RALYL: variants seen among roughly 807,000 people sequenced by gnomAD.
RALYL encodes the protein RALY RNA binding protein like.
In RALYL, 29 loss-of-function variants were observed where a neutral mutation model predicts 35.1. The ratio of observed to expected loss-of-function variants is 0.83; its 90% CI spans 0.61 to 1.13. The LOEUF is 1.13. Among genes scored for constraint, RALYL ranks in the 50% most tolerant of loss-of-function variants. The pLI is 0.00. For missense variants in RALYL, 359 were observed against 360.4 expected (o/e 1.00, Z 0.03); for synonymous variants, 120 against 127.6 (o/e 0.94, Z 0.40).
intron 4 of RALYL, among the ~76,000 whole-genome samples, chr8:84,806,755 G>A (rs941252953): frequency 6.6e-6 from 1 of 152,092 alleles, no homozygotes; most frequent in African/African-American, 2.4e-5. Flanking sequence ...TTTTAAATAA[G>A]ATTGTCCAAA....
In RALYL at chr8:84,286,312, C is replaced by T. The variant is rs565757925; in HGVS notation, c.-24+101888C>T. Among the ~76,000 whole-genome samples the T allele has an allele frequency of 2.6e-4, 40 of 152,148 alleles. 2 individuals are homozygous for T. In the South Asian group the frequency reaches 5.8e-3, roughly 22 times the overall value. On this transcript the variant is annotated intron_variant, in intron 1 of 8. Coordinates refer to ENST00000521268, the MANE Select transcript of RALYL (RefSeq NM_173848.7). ...TCTGGTCATGTTTGGTTTGTGCAAG[C>T]GGAAATAAGAATATGGTGAGAGTTA... is the stretch of plus-strand genomic sequence containing the variant.
chr8:84,587,176 A>T (rs143625876), intron 2 of RALYL, among the ~76,000 whole-genome samples: 6 of 152,280 alleles, frequency 3.9e-5, no homozygotes, highest in African/African-American at 1.4e-4. Context: ...TGAGATACAA[A>T]CTTTTCAGCT....
chr8:84,674,982 A>AT (rs1166347414), intron 2 of RALYL, among the ~76,000 whole-genome samples: 6 of 152,062 alleles, frequency 3.9e-5, no homozygotes, highest in African/African-American at 1.4e-4. Flanking sequence ...CAGATGTAAA[A>AT]AAAAAAAAGG....
At chr8:84,206,086 A>G (rs1196755601) in intron 1 of RALYL, among the ~76,000 whole-genome samples, 1 of 152,162 alleles carries the variant, frequency 6.6e-6, no homozygotes, top group Non-Finnish European at 1.5e-5. Flanking sequence ...ACCTCTTTAA[A>G]GGCCCTTTCT....
chr8:84,233,211 C>G (rs1195077529), intron 1 of RALYL, among the ~76,000 whole-genome samples: 1 of 152,110 alleles, frequency 6.6e-6, no homozygotes, highest in African/African-American at 2.4e-5. Context: ...TGTCAAACTC[C>G]TAGCCTTGAG....
chr8:84,367,344 T>G (rs1379240278), intron 1 of RALYL, among the ~76,000 whole-genome samples: 21 of 108,554 alleles, frequency 1.9e-4, no homozygotes, highest in African/African-American at 5.0e-4. Flanking sequence ...TTTTTTTTTT[T>G]TTTTTTTTTT....
At chr8:84,789,686 C>T (rs1434987701) in intron 3 of RALYL, among the ~76,000 whole-genome samples, 2 of 152,010 alleles carry the variant, frequency 1.3e-5, no homozygotes, top group African/African-American at 2.4e-5. Flanking sequence ...GGTGAAACCC[C>T]ATCTTTACAA....
chr8:84,525,311 C>T (rs1178213415), intron 1 of RALYL, among the ~76,000 whole-genome samples: 1 of 151,990 alleles, frequency 6.6e-6, no homozygotes, highest in Non-Finnish European at 1.5e-5. Flanking sequence ...ATTCATTTTC[C>T]CTTGTCATTT....
chr8:84,246,532 A>G (rs1188901659), intron 1 of RALYL, among the ~76,000 whole-genome samples: 1 of 151,986 alleles, frequency 6.6e-6, no homozygotes, highest in Non-Finnish European at 1.5e-5. Flanking sequence ...TATAGAAAGA[A>G]GGGATTGCTA....
intron 1 of RALYL, among the ~76,000 whole-genome samples, chr8:84,509,424 G>A (rs1438369988): frequency 6.6e-6 from 1 of 152,118 alleles, no homozygotes; most frequent in Non-Finnish European, 1.5e-5. Context: ...ATTGCATGAT[G>A]GAATTGCAGA....
chr8:84,482,334 T>C (rs2054133585), intron 1 of RALYL, among the ~76,000 whole-genome samples: 1 of 152,128 alleles, frequency 6.6e-6, no homozygotes, highest in East Asian at 1.9e-4. Context: ...TTAGTAAAAA[T>C]GCTTTGCTGA....
intron 2 of RALYL, among the ~76,000 whole-genome samples, chr8:84,704,995 T>C (rs544711151): frequency 1.3e-5 from 2 of 152,180 alleles, no homozygotes; most frequent in South Asian, 4.1e-4. Flanking sequence ...GGAAGTCTTA[T>C]GACATAGAAA....
chr8:84,561,152 G>C (rs2061444941), intron 2 of RALYL, among the ~76,000 whole-genome samples: 1 of 152,016 alleles, frequency 6.6e-6, no homozygotes, highest in Non-Finnish European at 1.5e-5. Context: ...TGACAATAGT[G>C]TTATTTAGGA....
chr8:84,481,492 T>C (rs1462547118), intron 1 of RALYL, among the ~76,000 whole-genome samples: 1 of 152,194 alleles, frequency 6.6e-6, no homozygotes, highest in South Asian at 2.1e-4. Flanking sequence ...TTTTGAAATT[T>C]ATCAAACAGA....
chr8:84,313,863 A>C (rs2130044426), intron 1 of RALYL, among the ~76,000 whole-genome samples: 1 of 152,268 alleles, frequency 6.6e-6, no homozygotes, highest in East Asian at 1.9e-4. Context: ...TCTTCCTGTT[A>C]CCCATTTCCA....
intron 1 of RALYL, among the ~76,000 whole-genome samples, chr8:84,325,616 A>G (rs1226757691): frequency 6.6e-6 from 1 of 152,176 alleles, no homozygotes; most frequent in Non-Finnish European, 1.5e-5. Flanking sequence ...TTGTACCTGA[A>G]TCTGGTCCTC....
chr8:84,680,006 C>G (rs1741024604), intron 2 of RALYL, among the ~76,000 whole-genome samples: 1 of 152,050 alleles, frequency 6.6e-6, no homozygotes. Flanking sequence ...CCCCACTCCC[C>G]CCACCCCACG....
At chr8:84,771,104 A>T (rs1815375442) in intron 2 of RALYL, among the ~76,000 whole-genome samples, 1 of 152,062 alleles carries the variant, frequency 6.6e-6, no homozygotes, top group African/African-American at 2.4e-5. Flanking sequence ...TTGCAATTAA[A>T]TTTACATGAA....
intron 1 of RALYL, among the ~76,000 whole-genome samples, chr8:84,257,839 T>C (rs1440802794): frequency 6.6e-6 from 1 of 152,188 alleles, no homozygotes; most frequent in Admixed American, 6.6e-5. Context: ...TTTGTGGATA[T>C]TTAAAACTTA....
Sources: allele counts gnomAD v4.1 joint callset (sites outside exome capture counted in the v4.1 genomes callset), GRCh38; gene constraint gnomAD v4.1.1; transcripts MANE v1.5; gene names NCBI Gene and HGNC (gene_info 2026-07-23, HGNC 2026-07-21).